LIN7A: variants seen among roughly 807,000 people sequenced by gnomAD.
LIN7A encodes protein lin-7 homolog A.
LIN7A carries 25 observed loss-of-function variants against 29.8 expected under a neutral mutation model. The ratio of observed to expected loss-of-function variants is 0.84; its 90% confidence interval spans 0.61 to 1.17. The LOEUF is 1.17. Among genes scored for constraint, LIN7A ranks in the 50% most tolerant of loss-of-function variants. The pLI is 0.00. For missense variants in LIN7A, 239 were observed against 287.0 expected (o/e 0.83, Z 1.21); for synonymous variants, 118 against 107.5 (o/e 1.10, Z -0.60).
At chr12:80,885,516 G>A (rs1196321100) in intron 2 of LIN7A, among the ~76,000 whole-genome samples, 1 of 152,084 alleles carries the variant, frequency 6.6e-6, no homozygotes, top group African/African-American at 2.4e-5. Context: ...ATATTGATCA[G>A]GGGTCTTTAG....
At chr12:80,827,987 A>G (rs1872161742) in intron 4 of LIN7A, among the ~76,000 whole-genome samples, 2 of 152,098 alleles carry the variant, frequency 1.3e-5, no homozygotes, top group Admixed American at 1.3e-4. Flanking sequence ...TTCTTCACAT[A>G]AAGTTCTCAG....
chr12:80,839,422 G>A (rs1049033354), intron 4 of LIN7A, among the ~76,000 whole-genome samples: 1 of 152,112 alleles, frequency 6.6e-6, no homozygotes, highest in Admixed American at 6.6e-5. Flanking sequence ...TCATTATGTA[G>A]AGTGCTTACA....
chr12:80,865,974 A>C (rs896746610), intron 2 of LIN7A, among the ~76,000 whole-genome samples: 3 of 152,202 alleles, frequency 2.0e-5, no homozygotes, highest in Non-Finnish European at 4.4e-5. Flanking sequence ...ACAAGAGGTA[A>C]GGTATTAAAG....
chr12:80,884,371 C>T (rs925639938), intron 2 of LIN7A, among the ~76,000 whole-genome samples: 6 of 152,100 alleles, frequency 3.9e-5, no homozygotes, highest in Non-Finnish European at 7.4e-5. Flanking sequence ...TTTAGAGTAA[C>T]AAAGATTTAT....
At chr12:80,899,991 T>A (rs1177458172) in intron 1 of LIN7A, among the ~76,000 whole-genome samples, 2 of 151,702 alleles carry the variant, frequency 1.3e-5, no homozygotes, top group Non-Finnish European at 2.9e-5. Flanking sequence ...ATGGTCTCCA[T>A]CTCCTGACCT....
intron 2 of LIN7A, among the ~76,000 whole-genome samples, chr12:80,874,197 C>G (rs1299588590): frequency 6.6e-6 from 1 of 152,130 alleles, no homozygotes; most frequent in African/African-American, 2.4e-5. Context: ...TCACAGATTT[C>G]TTTTCTCTCT....
intron 1 of LIN7A, among the ~76,000 whole-genome samples, chr12:80,891,733 G>C (rs533200242): frequency 1.3e-5 from 2 of 152,260 alleles, no homozygotes; most frequent in Non-Finnish European, 2.9e-5. Context: ...AAGAAGTCAG[G>C]GAGGATCTAT....
intron 1 of LIN7A, among the ~76,000 whole-genome samples, chr12:80,899,891 C>G (rs1367637765): frequency 6.6e-6 from 1 of 150,932 alleles, no homozygotes; most frequent in Non-Finnish European, 1.5e-5. Flanking sequence ...CCTCAGCCTC[C>G]CGAGTAGCTG....
intron 1 of LIN7A, among the ~76,000 whole-genome samples, chr12:80,924,169 T>A (rs966350120): frequency 1.3e-5 from 2 of 152,208 alleles, no homozygotes; most frequent in Non-Finnish European, 2.9e-5. Context: ...TCATTTACTT[T>A]ACACTGAATG....
intron 4 of LIN7A, among the ~76,000 whole-genome samples, chr12:80,813,465 CTTA>C (rs1244447194): frequency 6.6e-6 from 1 of 151,952 alleles, no homozygotes; most frequent in Non-Finnish European, 1.5e-5. Context: ...TGAATAAGCC[CTTA>C]TTATAAGTGA....
Position 80,845,813 on chromosome 12 carries a change from T to C in LIN7A, c.400A>G (p.Ile134Val), listed in dbSNP as rs757814174. The change falls in exon 4 of 6, where the codon ATC becomes GTC. Residue 134 changes from isoleucine to valine, a missense_variant. Physicochemically the swap from Ile to Val is conservative, Grantham distance 29. Transcript: ENST00000552864. ...GGKEQNSPIY[I>V]SRIIPGGVAE... is the part of the protein sequence containing the mutation. ...ACCCCTCCAGGAATTATGCGAGAGATATAAATGGGGGAATTTTGCTCCTTT... is the reference window on the plus strand; with the variant it reads ...ACCCCTCCAGGAATTATGCGAGAGACATAAATGGGGGAATTTTGCTCCTTT... The C allele has an allele frequency of 8.7e-6, 14 of 1,613,840 alleles. No individual in the cohort carries two copies. The Middle Eastern group carries it at 4.9e-4, about 57-fold the overall frequency.
At chr12:80,864,157 T>C (rs1181467997) in intron 2 of LIN7A, among the ~76,000 whole-genome samples, 1 of 152,144 alleles carries the variant, frequency 6.6e-6, no homozygotes, top group Non-Finnish European at 1.5e-5. Flanking sequence ...TTGCAGCAAC[T>C]GTTATTATTT....
At chr12:80,838,446 A>C (rs1311900616) in intron 4 of LIN7A, among the ~76,000 whole-genome samples, 1 of 152,182 alleles carries the variant, frequency 6.6e-6, no homozygotes, top group Non-Finnish European at 1.5e-5. Context: ...GGGGTAGAAT[A>C]CTGCCTTCTC....
chr12:80,797,768 T>C (rs1225216406), intron 5 of LIN7A, 42 bp from the exon 6 acceptor site: 1 of 152,650 alleles, frequency 6.6e-6, no homozygotes, highest in East Asian at 1.9e-4. Flanking sequence ...TGATTAGTAT[T>C]CATTTGTCAA....
rs776089847 is a variant in LIN7A at position 80,845,726 on chromosome 12, A to AT, written c.483+3dup. ...GAAAATCTCTGGTTATTTTATAAAC[A>AT]TACCACTCCGTTCACTGATAGCAGC... is the stretch of plus-strand genomic sequence containing the variant. On this transcript the variant is annotated splice_donor_region_variant and intron_variant, in intron 4 of 5. Coordinates refer to ENST00000552864, the MANE Select transcript of LIN7A (RefSeq NM_004664.4). The AT allele has an allele frequency of 6.2e-7, 1 of 1,610,284 alleles. No homozygotes were observed. Among genetic ancestry groups the AT allele is most frequent in the Non-Finnish European group, 8.5e-7 (1 of 1,178,272 alleles).
intron 1 of LIN7A, among the ~76,000 whole-genome samples, chr12:80,915,172 A>C (rs1440444031): frequency 6.6e-6 from 1 of 151,766 alleles, no homozygotes; most frequent in East Asian, 1.9e-4. Context: ...AAAAACAAAA[A>C]AACAAAAAAA....
At chr12:80,893,596 T>A (rs946321516) in intron 1 of LIN7A, among the ~76,000 whole-genome samples, 22 of 152,204 alleles carry the variant, frequency 1.4e-4, no homozygotes, top group Non-Finnish European at 2.6e-4. Context: ...TCAAGAATTG[T>A]TAAATCATTA....
At chr12:80,922,054 G>A (rs7134652) in intron 1 of LIN7A, among the ~76,000 whole-genome samples, 60,901 of 152,002 alleles carry the variant, frequency 0.4, 14,985 homozygotes, top group African/African-American at 0.7. Flanking sequence ...TAGAAAACAT[G>A]CGCTGTAATG....
chr12:80,828,760 T>A lies in LIN7A; in HGVS notation c.483+16970A>T, dbSNP rs151257194. Among the ~76,000 whole-genome samples the A allele has an allele frequency of 2.0e-3, 309 of 151,316 alleles. 1 individual carries two copies. The highest frequency in any genetic ancestry group is 7.1e-3 in the African/African-American group (291 of 41,268). On this transcript the variant is annotated intron_variant, in intron 4 of 5. Coordinates refer to ENST00000552864, the MANE Select transcript of LIN7A (RefSeq NM_004664.4). The stretch of plus-strand genomic sequence containing the variant: ...AATCACAGCCCTGCATTGTCTCATA[T>A]GTTTGTATTTAAAAATAAATAAATA...
Sources: allele counts gnomAD v4.1 joint callset (sites outside exome capture counted in the v4.1 genomes callset), GRCh38; gene constraint gnomAD v4.1.1; transcripts MANE v1.5; gene names NCBI Gene and HGNC (gene_info 2026-07-23, HGNC 2026-07-21).